Variants in CTU2 observed in about 807,000 individuals in gnomAD.
CTU2 encodes cytosolic thiouridylase subunit 2.
A neutral mutation model predicts 64.1 loss-of-function variants in CTU2; 80 were observed. That is an observed-to-expected ratio of 1.25 (90% CI 1.04 to 1.50). The LOEUF is 1.50. Among genes scored for constraint, CTU2 ranks in the 40% most tolerant of loss-of-function variants. The pLI is 0.00. For missense variants in CTU2, 1,110 were observed against 690.2 expected (o/e 1.61, Z -6.81); for synonymous variants, 482 against 285.3 (o/e 1.69, Z -6.95).
chr16:88,713,665 C>T lies in CTU2; in HGVS notation c.892C>T (p.His298Tyr). The T allele has an allele frequency of 6.2e-7, 1 of 1,612,520 alleles. No homozygotes were observed. Among genetic ancestry groups the T allele is most frequent in the Non-Finnish European group, 8.5e-7 (1 of 1,179,816 alleles). Residue 298 changes from histidine to tyrosine, a missense_variant, in exon 9 of 15, where the codon CAC becomes TAC. Coordinates refer to ENST00000453996, the MANE Select transcript of CTU2 (RefSeq NM_001012759.3). ...CCCGCAGGGCTTCTCGGATGAGCGG[C>T]ACGGGGACGTGGTGGTGGTGCGGCC... ...AWDTGFSDER[H>Y]GDVVVVRPMR...
At chr16:88,706,656 C>T (rs901426439) in intron 1 of CTU2, 58 bp downstream of exon 1, 13 of 1,248,158 alleles carry the variant, frequency 1.0e-5, no homozygotes, top group Middle Eastern at 2.9e-4. Flanking sequence ...CGCACTCCTG[C>T]CCCGAAGGGT....
chr16:88,712,758 C>G lies in CTU2; in HGVS notation c.590C>G (p.Thr197Ser). 1.2e-6 allele frequency: 2 copies of G among 1,608,568 alleles called. No individual in the cohort carries two copies. Among genetic ancestry groups the G allele is most frequent in the Non-Finnish European group, 1.7e-6 (2 of 1,178,290 alleles). ...VLGAGGGPGP[T>S]QGEEQPPQPP... Reference sequence around the variant, plus strand: ...GGGGCCGGGGGTGGTCCTGGCCCGACTCAAGGGGAGGAACAGCCACCCCAG... The same window carrying G: ...GGGGCCGGGGGTGGTCCTGGCCCGAGTCAAGGGGAGGAACAGCCACCCCAG... The change falls in exon 7 of 15, where the codon ACT becomes AGT. Residue 197 changes from threonine to serine, a missense_variant. Transcript: ENST00000453996.
Position 88,715,034 on chromosome 16 carries a change from G to A in CTU2, c.1420-14G>A, listed in dbSNP as rs754234291. ...GCAGGTTTCTTGGCCCCTCGACACC[G>A]GCCTCTGTTGCAGCCCTCACTGGAC... On this transcript the variant is annotated splice_polypyrimidine_tract_variant and intron_variant, in intron 13 of 14. Coordinates refer to ENST00000453996, the MANE Select transcript of CTU2 (RefSeq NM_001012759.3). 2.7e-5 allele frequency: 43 copies of A among 1,576,702 alleles called. No homozygotes were observed. Among genetic ancestry groups the A allele is most frequent in the Middle Eastern group, 1.7e-4 (1 of 5,934 alleles).
rs773387253 is a variant in CTU2 at position 88,715,229 on chromosome 16, A to T, written c.1526A>T (p.Asp509Val). 6.2e-7 allele frequency: 1 copy of T among 1,612,088 alleles called. No individual in the cohort carries two copies. Among genetic ancestry groups the T allele is most frequent in the African/African-American group, 1.3e-5 (1 of 74,918 alleles). ...EIRDCLIEDS[D>V]DEAGQS ...CGGGACTGTCTGATTGAGGACAGTG[A>T]CGACGAGGCGGGCCAGAGCTGAGCG... The change falls in exon 15 of 15, where the codon GAC (aspartate) becomes GTC (valine). Residue 509 changes from aspartate to valine, a missense_variant. Physicochemically the swap from Asp to Val is radical, Grantham distance 152. Transcript: ENST00000453996.
At position 88,714,277 on chromosome 16, in the gene CTU2, C is replaced by CGGGTGTGT. The variant is rs1555551095; in HGVS notation, c.1097+51_1097+52insGGTGTGTG. The CGGGTGTGT allele has an allele frequency of 2.0e-5, 30 of 1,524,146 alleles. 1 individual carries two copies. The highest frequency in any genetic ancestry group is 1.5e-5 in the Non-Finnish European group (17 of 1,106,510). 94.4% of individuals were successfully genotyped at this position (1,524,146 alleles called of 1,614,324 possible). A position where few individuals can be genotyped will look rare whatever the true frequency, so the allele number is the denominator to read the frequency against. On this transcript the variant is annotated intron_variant, in intron 10 of 14. Coordinates refer to ENST00000453996, the MANE Select transcript of CTU2 (RefSeq NM_001012759.3). ...GGGGGGTGCGCGGGTGTGTGCTGTGCGCGGGTGTGTGCGGGTGGTGAGCTC... is the reference window on the plus strand; with the variant it reads ...GGGGGGTGCGCGGGTGTGTGCTGTGCGGGTGTGTGCGGGTGTGTGCGGGTGGTGAGCTC...
chr16:88,713,540 G>T (rs1027017172), intron 8 of CTU2, 93 bp downstream of exon 8: 25 of 1,436,292 alleles, frequency 1.7e-5, no homozygotes, highest in Non-Finnish European at 2.3e-5. Flanking sequence ...TATCAGTCCT[G>T]CGGCCTCGGA....
At position 88,712,675 on chromosome 16, in the gene CTU2, A is replaced by C; in HGVS notation, c.507A>C (p.Gly169=). The C allele has an allele frequency of 6.2e-7, 1 of 1,610,568 alleles. No individual in the cohort carries two copies. The highest frequency in any genetic ancestry group is 8.5e-7 in the Non-Finnish European group (1 of 1,179,532). The stretch of plus-strand genomic sequence containing the variant: ...GGTGCTCTGCCCAGGAGCTGGTGGG[A>C]TCCGAGGGGGCCTACAAGGCGGCCG... The part of the protein sequence containing the change: ...VLWCSAQELV[G]SEGAYKAAVD... Residue 169 remains glycine (G), a synonymous_variant, in exon 7 of 15, where the codon GGA becomes GGC. Coordinates refer to ENST00000453996, the MANE Select transcript of CTU2 (RefSeq NM_001012759.3).
intron 6 of CTU2, 50 bp from the exon 7 acceptor site, chr16:88,712,572 G>A: frequency 1.3e-6 from 2 of 1,583,976 alleles, no homozygotes; most frequent in Non-Finnish European, 1.7e-6. Flanking sequence ...GTCTGTGGGG[G>A]GCACCTGCCC....
In CTU2 at chr16:88,713,636, G is replaced by T. The variant is rs551571687; in HGVS notation, c.874-11G>T. 6.2e-7 allele frequency: 1 copy of T among 1,610,468 alleles called. No individual in the cohort carries two copies. Among genetic ancestry groups the T allele is most frequent in the Non-Finnish European group, 8.5e-7 (1 of 1,178,518 alleles). ...CCTTGACCTGGACCACACAGCCCCTGCCTCCCGCAGGGCTTCTCGGATGAG... is the reference window on the plus strand; with the variant it reads ...CCTTGACCTGGACCACACAGCCCCTTCCTCCCGCAGGGCTTCTCGGATGAG... On this transcript the variant is annotated splice_polypyrimidine_tract_variant and intron_variant, in intron 8 of 14. Transcript: ENST00000453996.
rs374461659 is a variant in CTU2, at chr16:88,715,224, C to T, written c.1521C>T (p.Asp507=). The T allele has an allele frequency of 2.4e-5, 39 of 1,612,162 alleles. No homozygotes were observed. In the African/African-American group the frequency reaches 4.4e-4, roughly 18 times the overall value. The change falls in exon 15 of 15, where the codon GAC becomes GAT. Residue 507 remains aspartate (D), a synonymous_variant. Coordinates refer to ENST00000453996, the MANE Select transcript of CTU2 (RefSeq NM_001012759.3). ...LQEIRDCLIE[D]SDDEAGQS is the part of the protein sequence containing the mutation. Reference sequence around the variant, plus strand: ...AGATCCGGGACTGTCTGATTGAGGACAGTGACGACGAGGCGGGCCAGAGCT... The same window carrying T: ...AGATCCGGGACTGTCTGATTGAGGATAGTGACGACGAGGCGGGCCAGAGCT...
At chr16:88,711,725 C>A (rs2879902) in intron 5 of CTU2, 30 bp downstream of exon 5, 1,010,170 of 1,589,736 alleles carry the variant, frequency 0.64, 323,144 homozygotes, top group South Asian at 0.66. Context: ...CTCCTAGTCC[C>A]TGGCCACTTG....
At chr16:88,714,270 T>C in intron 10 of CTU2, 43 bp downstream of exon 10, 1 of 1,594,736 alleles carries the variant, frequency 6.3e-7, no homozygotes, top group Non-Finnish European at 8.6e-7. Context: ...CGCGGGTGTG[T>C]GCTGTGCGCG....
chr16:88,713,925 A>G, intron 9 of CTU2, 147 bp downstream of exon 9: 1 of 1,243,240 alleles, frequency 8.0e-7, no homozygotes, highest in South Asian at 1.4e-5. Flanking sequence ...CTCTGAGCCC[A>G]CCCTGTGCCG....
intron 9 of CTU2, 24 bp downstream of exon 9, chr16:88,713,802 C>G (rs762675394): frequency 2.5e-6 from 4 of 1,610,862 alleles, no homozygotes; most frequent in African/African-American, 1.3e-5. Flanking sequence ...GCTGGGCAAC[C>G]TCTCTCACCA....
chr16:88,706,645 C>T (rs992737476), intron 1 of CTU2, 47 bp downstream of exon 1: 2 of 1,311,612 alleles, frequency 1.5e-6, no homozygotes, highest in Admixed American at 3.9e-5. Context: ...CGCCTTCCCG[C>T]CGCACTCCTG....
chr16:88,709,824 A>G, intron 2 of CTU2, 114 bp from the exon 3 acceptor site: 1 of 890,160 alleles, frequency 1.1e-6, no homozygotes, highest in Non-Finnish European at 1.8e-6. Context: ...GGATGTGAAG[A>G]TGCTGCTTTT....
In CTU2 at chr16:88,712,691, A is replaced by C; in HGVS notation, c.523A>C (p.Lys175Gln). Residue 175 changes from lysine (K) to glutamine (Q), a missense_variant, in exon 7 of 15, where the codon AAG (lysine) becomes CAG (glutamine). Transcript: ENST00000453996. ...GCTGGTGGGATCCGAGGGGGCCTAC[A>C]AGGCGGCCGTGGACAGCTTCCTCCA... ...QELVGSEGAYKAAVDSFLQQQ... is the reference protein window; with the variant it reads ...QELVGSEGAYQAAVDSFLQQQ... 6.2e-7 allele frequency: 1 copy of C among 1,610,496 alleles called. No individual in the cohort carries two copies. The highest frequency in any genetic ancestry group is 8.5e-7 in the Non-Finnish European group (1 of 1,179,486).
chr16:88,712,766 G>A lies in CTU2; in HGVS notation c.598G>A (p.Glu200Lys). Residue 200 changes from glutamate to lysine, a missense_variant, in exon 7 of 15, where the codon GAG (glutamate) becomes AAG (lysine). Transcript: ENST00000453996. ...GGGTGGTCCTGGCCCGACTCAAGGG[G>A]AGGAACAGCCACCCCAGCCCCCGCT... is the stretch of plus-strand genomic sequence containing the variant. ...AGGGPGPTQG[E>K]EQPPQPPLDP... 5.6e-6 allele frequency: 9 copies of A among 1,608,668 alleles called. No individual in the cohort carries two copies. Among genetic ancestry groups the A allele is most frequent in the East Asian group, 2.2e-5 (1 of 44,836 alleles).
At chr16:88,708,454 G>A (rs374715004) in intron 2 of CTU2, among the ~76,000 whole-genome samples, 62 of 152,312 alleles carry the variant, frequency 4.1e-4, no homozygotes, top group African/African-American at 1.3e-3. Context: ...AGCTGGTGGT[G>A]TAGGGCGCAG....
Sources: allele counts gnomAD v4.1 joint callset (sites outside exome capture counted in the v4.1 genomes callset), GRCh38; gene constraint gnomAD v4.1.1; transcripts MANE v1.5; gene names NCBI Gene and HGNC (gene_info 2026-07-23, HGNC 2026-07-21).